LOC122539214: variants seen among roughly 807,000 people sequenced by gnomAD.
chr19:52,656,162 G>C, the LOC122539214 span, among the ~76,000 whole-genome samples: 1 of 152,094 alleles, frequency 6.6e-6, no homozygotes, highest in Non-Finnish European at 1.5e-5. Context: ...GCGGTGAGCT[G>C]AGATTGTGCC....
At chr19:52,670,681 A>G in the LOC122539214 span, among the ~76,000 whole-genome samples, 1 of 152,180 alleles carries the variant, frequency 6.6e-6, no homozygotes, top group Non-Finnish European at 1.5e-5. Context: ...TCCTGAGAAC[A>G]TATGTCCAAG....
the LOC122539214 span, among the ~76,000 whole-genome samples, chr19:52,690,177 T>C: frequency 2.0e-5 from 2 of 102,102 alleles, no homozygotes; most frequent in African/African-American, 9.8e-5. Context: ...TGAAAATGAT[T>C]TTGAGAAAAA....
At chr19:52,685,482 TAAAAAAAAATCACAGTCACATTCATAA>T in the LOC122539214 span, among the ~76,000 whole-genome samples, 2 of 151,362 alleles carry the variant, frequency 1.3e-5, no homozygotes, top group African/African-American at 2.4e-5. Flanking sequence ...AATTCTTCCT[TAAAAAAAAATCACAGTCACATTCATAA>T]AATGCAGAAG....
chr19:52,684,745 G>A, the LOC122539214 span, among the ~76,000 whole-genome samples: 3 of 152,084 alleles, frequency 2.0e-5, no homozygotes, highest in South Asian at 6.2e-4. Flanking sequence ...TAGGGACATA[G>A]GGTAAGAGCA....
the LOC122539214 span, among the ~76,000 whole-genome samples, chr19:52,657,204 C>T: frequency 6.6e-6 from 1 of 152,108 alleles, no homozygotes; most frequent in African/African-American, 2.4e-5. Flanking sequence ...ATGAGAAGGT[C>T]AGCCAACATA....
the LOC122539214 span, chr19:52,652,131 G>A: frequency 8.7e-6 from 2 of 230,874 alleles, no homozygotes; most frequent in East Asian, 1.5e-4. Flanking sequence ...CTAATGCGGT[G>A]TGAATGTAAA....
the LOC122539214 span, chr19:52,654,056 C>T: frequency 1.3e-6 from 2 of 1,591,656 alleles, no homozygotes. Context: ...GACTTCTCCA[C>T]TTGATTATCA....
At chr19:52,671,323 G>A in the LOC122539214 span, among the ~76,000 whole-genome samples, 1 of 151,914 alleles carries the variant, frequency 6.6e-6, no homozygotes, top group Non-Finnish European at 1.5e-5. Context: ...CTACTTTTAC[G>A]ATAAATGTTG....
the LOC122539214 span, among the ~76,000 whole-genome samples, chr19:52,688,453 C>T: frequency 3.9e-5 from 6 of 151,908 alleles, no homozygotes; most frequent in African/African-American, 1.2e-4. Flanking sequence ...GGATTACAGG[C>T]ATGAACCACT....
At chr19:52,668,887 T>C in the LOC122539214 span, among the ~76,000 whole-genome samples, 1 of 148,456 alleles carries the variant, frequency 6.7e-6, no homozygotes, top group Non-Finnish European at 1.5e-5. Flanking sequence ...TGCCAAGCTC[T>C]CTCTGTCTGC....
the LOC122539214 span, among the ~76,000 whole-genome samples, chr19:52,665,897 AC>A: frequency 6.6e-6 from 1 of 152,018 alleles, no homozygotes; most frequent in Non-Finnish European, 1.5e-5. Context: ...GCGGTGGCTC[AC>A]ACCTGTAATC....
At chr19:52,683,528 A>ACCCTC in the LOC122539214 span, among the ~76,000 whole-genome samples, 4 of 82,674 alleles carry the variant, frequency 4.8e-5, no homozygotes, top group African/African-American at 1.5e-4. Context: ...ATCCAAAGGG[A>ACCCTC]AGGGCAAAGT....
chr19:52,671,035 A>G, the LOC122539214 span, among the ~76,000 whole-genome samples: 1 of 152,212 alleles, frequency 6.6e-6, no homozygotes, highest in African/African-American at 2.4e-5. Flanking sequence ...CAGGATTGGT[A>G]GGGCCTAGAA....
chr19:52,661,130 TATGATTACAGGGGTAA>T, the LOC122539214 span, among the ~76,000 whole-genome samples: 1 of 152,068 alleles, frequency 6.6e-6, no homozygotes, highest in African/African-American at 2.4e-5. Flanking sequence ...CCCAAAGAGC[TATGATTACAGGGGTAA>T]ACCACCAGAC....
chr19:52,656,226 C>CTCTCTA, the LOC122539214 span, among the ~76,000 whole-genome samples: 15 of 144,954 alleles, frequency 1.0e-4, no homozygotes, highest in African/African-American at 3.6e-4. Context: ...CTCTCTCTCT[C>CTCTCTA]TATATATATA....
the LOC122539214 span, among the ~76,000 whole-genome samples, chr19:52,668,123 C>A: frequency 4.6e-5 from 7 of 152,172 alleles, no homozygotes; most frequent in Non-Finnish European, 1.0e-4. Flanking sequence ...AGTCTCTCAG[C>A]ACAGGCGCCA....
At chr19:52,684,800 A>C in the LOC122539214 span, among the ~76,000 whole-genome samples, 10 of 152,112 alleles carry the variant, frequency 6.6e-5, 1 homozygote, top group Non-Finnish European at 1.3e-4. Context: ...TTTGGGAAAA[A>C]AAAAATGTGA....
the LOC122539214 span, among the ~76,000 whole-genome samples, chr19:52,678,903 A>C: frequency 6.6e-6 from 1 of 151,498 alleles, no homozygotes; most frequent in East Asian, 2.0e-4. Context: ...TGAACCCAGG[A>C]GGCCAAGGTT....
At chr19:52,667,679 G>A in the LOC122539214 span, among the ~76,000 whole-genome samples, 1 of 152,156 alleles carries the variant, frequency 6.6e-6, no homozygotes, top group Non-Finnish European at 1.5e-5. Context: ...GTAATATCCA[G>A]TTTTTCTGTG....
Sources: gnomAD v4.1 joint callset for allele counts (sites outside exome capture counted in the v4.1 genomes callset) on GRCh38, gnomAD v4.1.1 for gene constraint, MANE v1.5 for transcripts.